The following GNAS variants were observed in gnomAD, a reference collection of about 807,000 sequenced individuals.
GNAS encodes the protein protein ALEX.
GNAS carries 8 observed loss-of-function variants against 54.5 expected under a neutral mutation model. The observed-to-expected ratio is 0.15, with a 90% CI of 0.09 to 0.26. The LOEUF is 0.26. Ranked by LOEUF, GNAS falls within the 10% of genes least tolerant of loss-of-function variation. The pLI, the probability that GNAS is intolerant of heterozygous loss-of-function variation, is 1.00. For missense variants in GNAS, 170 were observed against 529.8 expected (o/e 0.32, Z 6.67); for synonymous variants, 204 against 191.4 (o/e 1.07, Z -0.54).
At chr20:58,879,362 C>G (rs867972516) in intron 1 of GNAS, among the ~76,000 whole-genome samples, 4 of 152,204 alleles carry the variant, frequency 2.6e-5, no homozygotes, top group South Asian at 2.1e-4. Context: ...ATCTAAAAAA[C>G]TCACATTTTT....
At chr20:58,902,285 C>T (rs146975346) in intron 3 of GNAS, among the ~76,000 whole-genome samples, 1 of 152,320 alleles carries the variant, frequency 6.6e-6, no homozygotes, top group East Asian at 1.9e-4. Flanking sequence ...ACATACTCCA[C>T]ACAAGAGGCC....
upstream of GNAS, among the ~76,000 whole-genome samples, chr20:58,887,912 C>A (rs1176318887): frequency 6.6e-6 from 1 of 152,132 alleles, no homozygotes; most frequent in Non-Finnish European, 1.5e-5. Flanking sequence ...TCTGTCACAC[C>A]TTTTCTTACT....
upstream of GNAS, among the ~76,000 whole-genome samples, chr20:58,886,876 C>T (rs1040975918): frequency 6.6e-6 from 1 of 152,166 alleles, no homozygotes; most frequent in Admixed American, 6.5e-5. Flanking sequence ...TTTATTTATC[C>T]ATCAGTAGTT....
Position 58,910,227 on chromosome 20 carries a change from A to G in GNAS, c.971-107A>G, listed in dbSNP as rs2091345822. ...GAAAAACGCACTCCCACTAATTCTC[A>G]TATGGAAAAATCAGGGTTTTGAAGA... On this transcript the variant is annotated intron_variant, in intron 11 of 12. Coordinates refer to ENST00000371085, the MANE Select transcript of GNAS (RefSeq NM_000516.7). The surrounding 1 kb of genome is among the most constrained non-coding windows in gnomAD (Gnocchi z 5.8). 8.0e-7 allele frequency: 1 copy of G among 1,254,076 alleles called. No homozygotes were observed. Among genetic ancestry groups the G allele is most frequent in the Non-Finnish European group, 1.2e-6 (1 of 851,656 alleles). 77.7% of individuals were successfully genotyped at this position (1,254,076 alleles called of 1,614,324 possible).
chr20:58,876,099 T>C (rs1005784773), intron 1 of GNAS, among the ~76,000 whole-genome samples: 42 of 152,170 alleles, frequency 2.8e-4, no homozygotes, highest in East Asian at 3.8e-4. Flanking sequence ...AATGATTCCA[T>C]TGAGGGCGGC....
At chr20:58,880,027 G>A (rs996780948) in intron 1 of GNAS, among the ~76,000 whole-genome samples, 2 of 151,988 alleles carry the variant, frequency 1.3e-5, no homozygotes, top group African/African-American at 4.8e-5. Flanking sequence ...CACCAAAACT[G>A]AGACTAGATA....
intron 1 of GNAS, 38 bp from the exon 2 acceptor site, chr20:58,895,574 G>A (rs1210920028): frequency 2.4e-6 from 3 of 1,267,960 alleles, no homozygotes; most frequent in East Asian, 4.6e-5. Flanking sequence ...GTGTTAAAAT[G>A]CCTCCTTCAT....
chr20:58,889,282 C>A, upstream of GNAS: 1 of 1,001,772 alleles, frequency 1.0e-6, no homozygotes, highest in South Asian at 4.1e-5. Flanking sequence ...GGAGCGAGCC[C>A]CTGTCCCGGC....
chr20:58,899,960 C>A (rs1377665405), intron 3 of GNAS: 2 of 717,468 alleles, frequency 2.8e-6, no homozygotes, highest in African/African-American at 1.8e-5. Flanking sequence ...ATATAATATC[C>A]CTAGATGATG....
chr20:58,841,751 C>CG lies in GNAS; in HGVS notation c.43+869dup. 1 of 1,228,838 alleles carries CG rather than the reference C, an allele frequency of 8.1e-7. No individual in the cohort carries two copies. Among genetic ancestry groups the CG allele is most frequent in the Non-Finnish European group, 1.0e-6 (1 of 986,584 alleles). The allele number at this position is 1,228,838 out of a possible 1,614,324, so 76.1% of individuals were successfully genotyped here. ...GTTGAACGCACAGGCATGGTCACGT[C>CG]GGGGTATTGCCAAGCTTTTGGCGCA... On this transcript the variant is annotated intron_variant, in intron 1 of 12. Transcript: ENST00000306090. The surrounding 1 kb of genome is among the most constrained non-coding windows in gnomAD (Gnocchi z 5.0).
intron 6 of GNAS, among the ~76,000 whole-genome samples, chr20:58,907,809 C>T (rs766027102): frequency 6.6e-6 from 1 of 152,222 alleles, no homozygotes; most frequent in Admixed American, 6.5e-5. Flanking sequence ...CTGCCGTGGC[C>T]GGCACGTTTC....
intron 1 of GNAS, among the ~76,000 whole-genome samples, chr20:58,859,338 TTAC>T (rs2086660845): frequency 6.6e-6 from 1 of 152,088 alleles, no homozygotes; most frequent in Non-Finnish European, 1.5e-5. Context: ...GTAGCTGGGA[TTAC>T]AAGCGTGTGC....
intron 2 of GNAS, among the ~76,000 whole-genome samples, chr20:58,896,327 G>T (rs2090046348): frequency 6.6e-6 from 1 of 152,112 alleles, no homozygotes; most frequent in South Asian, 2.1e-4. Context: ...AAAGAAGAGG[G>T]AACATTTATT....
chr20:58,898,864 G>A (rs2090332388), intron 2 of GNAS, 77 bp from the exon 3 acceptor site: 1 of 1,220,260 alleles, frequency 8.2e-7, no homozygotes, highest in Non-Finnish European at 1.2e-6. Context: ...GTTGAGGAAT[G>A]TAGAGAGACT....
intron 2 of GNAS, 120 bp from the exon 3 acceptor site, chr20:58,898,821 C>CG: frequency 1.1e-6 from 1 of 890,748 alleles, no homozygotes; most frequent in East Asian, 2.4e-5. Context: ...GGATGGCTGG[C>CG]GCGCGAATTG....
intron 1 of GNAS, among the ~76,000 whole-genome samples, chr20:58,861,935 C>T (rs2086804673): frequency 1.3e-5 from 2 of 152,014 alleles, no homozygotes; most frequent in Non-Finnish European, 2.9e-5. Context: ...GAACTCCTGA[C>T]CTCAGATGAT....
At position 58,857,319 on chromosome 20, in the gene GNAS, GT is replaced by G. The variant is rs1251451988; in HGVS notation, c.43+16434del. ...CATTTACCTAAAGACATATAATATG[GT>G]CGTTGTTTTAAATTTCAAATGTCTC... On this transcript the variant is annotated intron_variant, in intron 1 of 12. Transcript: ENST00000306090. This position sits in a 1 kb window ranked among gnomAD's most constrained non-coding sequence, Gnocchi z 4.1. The G allele has an allele frequency of 1.3e-5, 2 of 152,168 alleles. No homozygotes were observed. The highest frequency in any genetic ancestry group is 4.8e-5 in the African/African-American group (2 of 41,424). The allele number at this position is 152,168 out of a possible 1,614,324, so 9.4% of individuals were successfully genotyped here.
chr20:58,877,985 G>A (rs557517903), intron 1 of GNAS, among the ~76,000 whole-genome samples: 15 of 152,214 alleles, frequency 9.9e-5, no homozygotes, highest in East Asian at 1.9e-4. Flanking sequence ...GAGATGAAGG[G>A]AGCAGAGAGG....
In GNAS at chr20:58,903,541, A is replaced by G. The variant is rs747496009; in HGVS notation, c.268A>G (p.Thr90Ala). Residue 90 changes from threonine (T) to alanine (A), a missense_variant, in exon 4 of 13, where the codon ACC becomes GCC. Coordinates refer to ENST00000371085, the MANE Select transcript of GNAS (RefSeq NM_000516.7). ...ARSNSDGEKA[T>A]KVQDIKNNLK... ...TCAATCCCACTGCAGTGAGAAGGCAACCAAAGTGCAGGACATCAAAAACAA... is the reference window on the plus strand; with the variant it reads ...TCAATCCCACTGCAGTGAGAAGGCAGCCAAAGTGCAGGACATCAAAAACAA... 2 of 1,614,028 alleles carry G rather than the reference A, an allele frequency of 1.2e-6. No homozygotes were observed. The highest frequency in any genetic ancestry group is 1.3e-5 in the African/African-American group (1 of 75,036).
Sources: allele counts gnomAD v4.1 joint callset (sites outside exome capture counted in the v4.1 genomes callset), GRCh38; gene constraint gnomAD v4.1.1; non-coding constraint Gnocchi (gnomAD v3.1); transcripts MANE v1.5; gene names NCBI Gene and HGNC (gene_info 2026-07-23, HGNC 2026-07-21).